The following SNTG2 variants were observed in gnomAD, a reference collection of about 807,000 sequenced individuals.
SNTG2 encodes gamma-2-syntrophin.
SNTG2 carries 74 observed loss-of-function variants against 70.9 expected under a neutral mutation model. That is an observed-to-expected ratio of 1.04 (90% CI 0.86 to 1.27). The LOEUF (loss-of-function observed/expected upper bound fraction) is 1.27, where lower values mean the gene tolerates loss of function less well. Among genes scored for constraint, SNTG2 ranks in the 50% most tolerant of loss-of-function variants. The pLI, the probability that SNTG2 is intolerant of heterozygous loss-of-function variation, is 0.00. For synonymous variants in SNTG2, 278 were observed against 273.8 expected, an observed-to-expected ratio of 1.02 and a Z score of -0.15; for missense variants, 717 against 690.7, an observed-to-expected ratio of 1.04 and a Z score of -0.43.
intron 8 of SNTG2, among the ~76,000 whole-genome samples, chr2:1,185,584 A>G (rs1412290761): frequency 6.6e-6 from 1 of 152,166 alleles, no homozygotes; most frequent in Non-Finnish European, 1.5e-5. Flanking sequence ...TTAACACCAC[A>G]TGGAAGTCAC....
chr2:999,795 G>A (rs950533216), intron 1 of SNTG2, among the ~76,000 whole-genome samples: 1 of 151,894 alleles, frequency 6.6e-6, no homozygotes, highest in Non-Finnish European at 1.5e-5. Flanking sequence ...CAAACACATT[G>A]CATTCTACTC....
At chr2:1,162,202 T>A (rs1043631500) in intron 6 of SNTG2, among the ~76,000 whole-genome samples, 1 of 152,116 alleles carries the variant, frequency 6.6e-6, no homozygotes, top group African/African-American at 2.4e-5. Flanking sequence ...GGATGGCAGA[T>A]TTTCCTGCTT....
chr2:1,133,550 G>A (rs28525553), intron 4 of SNTG2, among the ~76,000 whole-genome samples: 72,271 of 151,994 alleles, frequency 0.48, 18,197 homozygotes, highest in East Asian at 0.65. Flanking sequence ...CTGTATTACC[G>A]TAGGGATGAA....
At chr2:1,224,226 C>T (rs1489693901) in intron 9 of SNTG2, among the ~76,000 whole-genome samples, 3 of 152,180 alleles carry the variant, frequency 2.0e-5, no homozygotes, top group Non-Finnish European at 2.9e-5. Flanking sequence ...TGGGGAGCCA[C>T]GTTCAATCCA....
chr2:1,221,925 GTCTC>G (rs1169528241), intron 9 of SNTG2, among the ~76,000 whole-genome samples: 1 of 13,904 alleles, frequency 7.2e-5, no homozygotes, highest in Non-Finnish European at 1.4e-4. Flanking sequence ...GTCTCTCTCT[GTCTC>G]TCTCTGTCTC....
At chr2:1,077,403 G>T (rs4971427) in intron 1 of SNTG2, among the ~76,000 whole-genome samples, 85,750 of 151,996 alleles carry the variant, frequency 0.56, 24,568 homozygotes, top group East Asian at 0.68. Context: ...AGTGACTGTG[G>T]TTTTTTCATG....
At chr2:1,005,327 T>A (rs1659530956) in intron 1 of SNTG2, among the ~76,000 whole-genome samples, 1 of 151,892 alleles carries the variant, frequency 6.6e-6, no homozygotes, top group Non-Finnish European at 1.5e-5. Flanking sequence ...TGACTCTGGG[T>A]GACGAGGACA....
intron 14 of SNTG2, among the ~76,000 whole-genome samples, chr2:1,292,086 T>C (rs990746659): frequency 6.6e-6 from 1 of 152,204 alleles, no homozygotes. Flanking sequence ...TTTTATTCTT[T>C]TTGATGCTAT....
At chr2:1,313,353 G>T (rs779850410) in intron 15 of SNTG2, among the ~76,000 whole-genome samples, 1 of 152,196 alleles carries the variant, frequency 6.6e-6, no homozygotes, top group Non-Finnish European at 1.5e-5. Flanking sequence ...CTGTGCCACG[G>T]GAGGATGGGT....
At chr2:1,357,375 T>G (rs546211604) in intron 16 of SNTG2, among the ~76,000 whole-genome samples, 57 of 152,284 alleles carry the variant, frequency 3.7e-4, no homozygotes, top group African/African-American at 1.3e-3. Context: ...TTTTGTTGAA[T>G]GCTTTTCATG....
intron 4 of SNTG2, among the ~76,000 whole-genome samples, chr2:1,132,890 C>T (rs1668120760): frequency 6.6e-6 from 1 of 152,212 alleles, no homozygotes; most frequent in South Asian, 2.1e-4. Flanking sequence ...CATGCATTTG[C>T]CTTTCTCTAC....
intron 1 of SNTG2, among the ~76,000 whole-genome samples, chr2:1,076,515 A>G (rs1663925799): frequency 6.6e-6 from 1 of 152,216 alleles, no homozygotes. Context: ...TAGAATAGCA[A>G]TAATTATTTG....
chr2:1,017,987 C>T (rs560394504), intron 1 of SNTG2, among the ~76,000 whole-genome samples: 192 of 152,250 alleles, frequency 1.3e-3, no homozygotes, highest in African/African-American at 4.6e-3. Context: ...AGTTGGGTTT[C>T]GTCCATCCCT....
chr2:1,238,722 T>C (rs1234174540), intron 10 of SNTG2, among the ~76,000 whole-genome samples: 3 of 152,346 alleles, frequency 2.0e-5, no homozygotes, highest in South Asian at 4.1e-4. Context: ...CCAGCCTTGC[T>C]GCCCTTGCTC....
intron 9 of SNTG2, among the ~76,000 whole-genome samples, chr2:1,231,440 G>C (rs1018548538): frequency 1.3e-5 from 2 of 152,212 alleles, no homozygotes; most frequent in African/African-American, 4.8e-5. Context: ...TACAGCTACT[G>C]CTGCCACTAT....
chr2:1,182,324 T>C (rs1362293991), intron 8 of SNTG2, among the ~76,000 whole-genome samples: 1 of 141,382 alleles, frequency 7.1e-6, no homozygotes, highest in African/African-American at 2.7e-5. Flanking sequence ...AAAATATTTC[T>C]GATAGTAAAT....
chr2:1,244,631 G>A (rs1049626371), intron 11 of SNTG2, among the ~76,000 whole-genome samples: 1 of 144,858 alleles, frequency 6.9e-6, no homozygotes, highest in Non-Finnish European at 1.5e-5. Flanking sequence ...GGGAGGCAGA[G>A]CTTGCAGTGA....
At position 1,193,557 on chromosome 2, in the gene SNTG2, T is replaced by C. The variant is rs553504505; in HGVS notation, c.592-15546T>C. Among the ~76,000 whole-genome samples the C allele has an allele frequency of 1.8e-4, 28 of 152,180 alleles. No individual in the cohort carries two copies. The East Asian group carries it at 5.2e-3, about 28-fold the overall frequency. The stretch of plus-strand genomic sequence containing the variant: ...CACTCATTGCTAGTGGCCACAGTGA[T>C]GCACCTGCCACAGGATTGCAGAATA... On this transcript the variant is annotated intron_variant, in intron 8 of 16. Coordinates refer to ENST00000308624, the MANE Select transcript of SNTG2 (RefSeq NM_018968.4).
At chr2:1,224,883 TC>T (rs1675665829) in intron 9 of SNTG2, among the ~76,000 whole-genome samples, 1 of 152,186 alleles carries the variant, frequency 6.6e-6, no homozygotes, top group African/African-American at 2.4e-5. Context: ...GTGGTTACGT[TC>T]CTGGAGTTCA....
Sources: allele counts gnomAD v4.1 joint callset (sites outside exome capture counted in the v4.1 genomes callset), GRCh38; gene constraint gnomAD v4.1.1; transcripts MANE v1.5; gene names NCBI Gene and HGNC (gene_info 2026-07-23, HGNC 2026-07-21).